Variants in MRPL15 observed in about 807,000 individuals in gnomAD.
MRPL15 encodes the protein mitochondrial ribosomal protein L15, also known as large ribosomal subunit protein uL15m.
Under a neutral mutation model 28.0 loss-of-function variants are expected in MRPL15, and 24 were observed. The observed-to-expected ratio is 0.86, with a 90% CI of 0.62 to 1.21. The LOEUF is 1.21. Among genes scored for constraint, MRPL15 ranks in the 50% most tolerant of loss-of-function variants. The pLI is 0.00. For missense variants in MRPL15, 343 were observed against 372.4 expected (o/e 0.92, Z 0.65); for synonymous variants, 124 against 137.0 (o/e 0.90, Z 0.66).
At chr8:54,135,883 C>T (rs1214388184) in intron 1 of MRPL15, among the ~76,000 whole-genome samples, 1 of 152,208 alleles carries the variant, frequency 6.6e-6, no homozygotes, top group Non-Finnish European at 1.5e-5. Flanking sequence ...GAGAAGCCGA[C>T]TCGCTGAAAC....
In MRPL15 at chr8:54,147,783, C is replaced by CAT. The variant is rs1320932531; in HGVS notation, c.*64_*65insAT. On this transcript the variant is annotated 3_prime_UTR_variant, in exon 5 of 5. Transcript: ENST00000260102. Reference sequence around the variant, plus strand: ...GAATAGGGGCTGAAGGATCTATATTCCCTTATTGCATTTTCCTTATGTATA... The same window carrying CAT: ...GAATAGGGGCTGAAGGATCTATATTCATCCTTATTGCATTTTCCTTATGTATA... The CAT allele has an allele frequency of 8.1e-6, 11 of 1,361,316 alleles. No individual in the cohort carries two copies. In the Admixed American group the frequency reaches 2.6e-4, roughly 32 times the overall value. The allele number at this position is 1,361,316 out of a possible 1,614,324, so 84.3% of individuals were successfully genotyped here.
rs142460581 is a variant in MRPL15 at position 54,144,956 on chromosome 8, G to C, written c.553+2170G>C. Among the ~76,000 whole-genome samples the C allele has an allele frequency of 4.9e-3, 752 of 152,222 alleles. 6 individuals carry two copies. The highest frequency in any genetic ancestry group is 0.016 in the African/African-American group (678 of 41,510). ...ATTTTGGAAGGACTTTGGTGTTAGT[G>C]TGTTTTTCAGTGATTGTTACCACAG... On this transcript the variant is annotated intron_variant, in intron 4 of 4. Coordinates refer to ENST00000260102, the MANE Select transcript of MRPL15 (RefSeq NM_014175.4).
intron 3 of MRPL15, among the ~76,000 whole-genome samples, chr8:54,141,556 T>C (rs1049859454): frequency 6.6e-6 from 1 of 152,084 alleles, no homozygotes; most frequent in Admixed American, 6.6e-5. Flanking sequence ...AAAAAAGTGA[T>C]AGGACCTCAA....
chr8:54,135,384 A>G lies in MRPL15; in HGVS notation c.101A>G (p.Lys34Arg), dbSNP rs1339407891. The G allele has an allele frequency of 1.2e-5, 19 of 1,529,174 alleles. No individual in the cohort carries two copies. Among genetic ancestry groups the G allele is most frequent in the African/African-American group, 4.2e-5 (3 of 70,678 alleles). The allele number at this position is 1,529,174 out of a possible 1,614,324, so 94.7% of individuals were successfully genotyped here. ...LANLKPNPGS[K>R]KPERRPRGRR... Reference sequence around the variant, plus strand: ...AACTTAAAGCCGAATCCCGGCTCCAAGAAACCGGTAAATGGGTGGTGGCGG... The same window carrying G: ...AACTTAAAGCCGAATCCCGGCTCCAGGAAACCGGTAAATGGGTGGTGGCGG... Residue 34 changes from lysine (K) to arginine (R), a missense_variant, in exon 1 of 5, where the codon AAG (lysine) becomes AGG (arginine). By Grantham distance (26) the Lys-to-Arg change is conservative. Transcript: ENST00000260102.
At chr8:54,137,484 GAC>G (rs747178755) in intron 3 of MRPL15, 51 bp downstream of exon 3, 3 of 1,552,464 alleles carry the variant, frequency 1.9e-6, no homozygotes, top group Non-Finnish European at 2.6e-6. Context: ...TTTTTTTTTA[GAC>G]AGAGTCTTGC....
rs372905836 is a variant in MRPL15, at chr8:54,137,275, C to T, written c.271C>T (p.Arg91Cys). ...TACATTCTTGTTTTACAGTTTCAGA[C>T]GCCAGTATAAGCCTTTGAGTCTCAA... is the stretch of plus-strand genomic sequence containing the variant. ...YGFNEGHSFR[R>C]QYKPLSLNRL... The change falls in exon 3 of 5, where the codon CGC (arginine) becomes TGC (cysteine). Residue 91 changes from arginine to cysteine, a missense_variant. Arg to Cys is a radical substitution (Grantham distance 180). Transcript: ENST00000260102. 334 of 1,611,410 alleles carry T rather than the reference C, an allele frequency of 2.1e-4. 1 individual carries two copies. The highest frequency in any genetic ancestry group is 1.9e-3 in the South Asian group (171 of 90,322).
At chr8:54,140,487 T>G (rs1810903254) in intron 3 of MRPL15, among the ~76,000 whole-genome samples, 1 of 151,428 alleles carries the variant, frequency 6.6e-6, no homozygotes, top group Admixed American at 6.6e-5. Flanking sequence ...GGTTTCAAAC[T>G]CCAGACATCA....
intron 4 of MRPL15, among the ~76,000 whole-genome samples, chr8:54,143,816 C>T (rs1298370498): frequency 6.6e-6 from 1 of 152,156 alleles, no homozygotes; most frequent in East Asian, 1.9e-4. Flanking sequence ...CTCCATACAC[C>T]GAGCCCTGTG....
intron 4 of MRPL15, 130 bp downstream of exon 4, chr8:54,142,916 G>C: frequency 7.8e-7 from 1 of 1,282,252 alleles, no homozygotes; most frequent in South Asian, 1.4e-5. Context: ...TCTACCATAT[G>C]GATTATTATG....
chr8:54,143,842 C>G (rs778019464), intron 4 of MRPL15, among the ~76,000 whole-genome samples: 1 of 152,212 alleles, frequency 6.6e-6, no homozygotes, highest in Non-Finnish European at 1.5e-5. Context: ...TGTACTTCAG[C>G]CTCGGCCTCT....
intron 4 of MRPL15, among the ~76,000 whole-genome samples, chr8:54,143,269 C>T (rs1206951950): frequency 6.6e-6 from 1 of 152,034 alleles, no homozygotes; most frequent in Non-Finnish European, 1.5e-5. Flanking sequence ...TGGCTAGAGG[C>T]GGGTTTCAGC....
rs777597070 is a variant in MRPL15 at position 54,137,277 on chromosome 8, C to T, written c.273C>T (p.Arg91=). 2.2e-5 allele frequency: 36 copies of T among 1,611,930 alleles called. No individual in the cohort carries two copies. The South Asian group carries it at 3.8e-4, about 17-fold the overall frequency. ...YGFNEGHSFR[R]QYKPLSLNRL... ...CATTCTTGTTTTACAGTTTCAGACGCCAGTATAAGCCTTTGAGTCTCAATA... is the reference window on the plus strand; with the variant it reads ...CATTCTTGTTTTACAGTTTCAGACGTCAGTATAAGCCTTTGAGTCTCAATA... Residue 91 remains arginine (R), a synonymous_variant, in exon 3 of 5, where the codon CGC becomes CGT. Transcript: ENST00000260102.
At chr8:54,145,213 C>T (rs973303403) in intron 4 of MRPL15, among the ~76,000 whole-genome samples, 4 of 152,074 alleles carry the variant, frequency 2.6e-5, no homozygotes, top group Admixed American at 1.3e-4. Flanking sequence ...TTTAGTTTTC[C>T]AAGTTATAGA....
In MRPL15 at chr8:54,136,655, G is replaced by A. The variant is rs1810833159; in HGVS notation, c.253G>A (p.Glu85Lys). 14 of 1,614,010 alleles carry A rather than the reference G, an allele frequency of 8.7e-6. No homozygotes were observed. The highest frequency in any genetic ancestry group is 1.2e-5 in the Non-Finnish European group (14 of 1,179,952). The change falls in exon 2 of 5, where the codon GAA (glutamate) becomes AAA (lysine). Residue 85 changes from glutamate to lysine, a missense_variant. Glu to Lys is a moderately conservative substitution (Grantham distance 56). Transcript: ENST00000260102. ...YIRIPKYGFNEGHSFRRQYKP... is the reference protein window; with the variant it reads ...YIRIPKYGFNKGHSFRRQYKP... The stretch of plus-strand genomic sequence containing the variant: ...CCGAATCCCAAAATACGGGTTTAAC[G>A]AAGGACATAGGTAAGGTTGCTTTGC...
At position 54,137,257 on chromosome 8, in the gene MRPL15, T is replaced by A; in HGVS notation, c.264-11T>A. On this transcript the variant is annotated splice_polypyrimidine_tract_variant and intron_variant, in intron 2 of 4. Coordinates refer to ENST00000260102, the MANE Select transcript of MRPL15 (RefSeq NM_014175.4). ...TGAGAGTTTTCCAACTCTTACATTC[T>A]TGTTTTACAGTTTCAGACGCCAGTA... The A allele has an allele frequency of 6.2e-7, 1 of 1,607,506 alleles. No homozygotes were observed. Among genetic ancestry groups the A allele is most frequent in the South Asian group, 1.1e-5 (1 of 89,706 alleles).
chr8:54,135,916 A>C (rs1359446459), intron 1 of MRPL15, among the ~76,000 whole-genome samples: 2 of 152,226 alleles, frequency 1.3e-5, no homozygotes, highest in African/African-American at 2.4e-5. Context: ...GTGTCATTCA[A>C]AATTGGATTT....
At chr8:54,136,429 C>A (rs1810828486) in intron 1 of MRPL15, 82 bp from the exon 2 acceptor site, 1 of 1,461,766 alleles carries the variant, frequency 6.8e-7, no homozygotes, top group Non-Finnish European at 9.3e-7. Flanking sequence ...GATGAATGAA[C>A]AGCATAACAA....
intron 1 of MRPL15, among the ~76,000 whole-genome samples, chr8:54,135,691 A>T (rs1810818023): frequency 6.7e-6 from 1 of 149,318 alleles, no homozygotes; most frequent in African/African-American, 2.5e-5. Context: ...CGCCCGGCTA[A>T]TTTTTGTATT....
chr8:54,136,573 G>A lies in MRPL15; in HGVS notation c.171G>A (p.Arg57=), dbSNP rs1810831322. Residue 57 remains arginine, a synonymous_variant, in exon 2 of 5, where the codon AGG becomes AGA. Coordinates refer to ENST00000260102, the MANE Select transcript of MRPL15 (RefSeq NM_014175.4). ...GTGGCAGAGGCCATAAAGGAGAAAG[G>A]CAAAGAGGAACCCGGCCCCGCTTGG... ...RKCGRGHKGE[R]QRGTRPRLGF... is the part of the protein sequence containing the mutation. 1 of 1,614,088 alleles carries A rather than the reference G, an allele frequency of 6.2e-7. No individual in the cohort carries two copies. The highest frequency in any genetic ancestry group is 8.5e-7 in the Non-Finnish European group (1 of 1,180,032).
Sources: gnomAD v4.1 joint callset for allele counts (sites outside exome capture counted in the v4.1 genomes callset) on GRCh38, gnomAD v4.1.1 for gene constraint, MANE v1.5 for transcripts, NCBI Gene and HGNC (gene_info 2026-07-23, HGNC 2026-07-21) for gene names.